Variants in ADGRL2 observed in about 807,000 individuals in gnomAD.
The protein encoded by ADGRL2 is adhesion G protein-coupled receptor L2.
Under a neutral mutation model 157.4 loss-of-function variants are expected in ADGRL2, and 44 were observed. The ratio of observed to expected loss-of-function variants is 0.28; its 90% confidence interval spans 0.22 to 0.36. The LOEUF (loss-of-function observed/expected upper bound fraction) is 0.36, where lower values mean the gene tolerates loss of function less well. ADGRL2 is among the 10% of genes least tolerant of loss of function. The pLI, the probability that ADGRL2 is intolerant of heterozygous loss-of-function variation, is 1.00. For missense variants in ADGRL2, 1,510 were observed against 1,768.9 expected, an observed-to-expected ratio of 0.85 and a Z score of 2.63; for synonymous variants, 585 against 624.7, an observed-to-expected ratio of 0.94 and a Z score of 0.95.
Position 81,356,952 on chromosome 1 carries a change from C to CAAAAAA in ADGRL2, c.-302+50459_-302+50464dup, listed in dbSNP as rs757239865. 3.8e-3 allele frequency among the ~76,000 whole-genome samples: 214 copies of CAAAAAA among 55,636 alleles called. 1 individual carries two copies. Among genetic ancestry groups the CAAAAAA allele is most frequent in the Non-Finnish European group, 4.4e-3 (139 of 31,892 alleles). The allele number at this position is 55,636 out of a possible 152,430, so 36.5% of individuals were successfully genotyped here. On this transcript the variant is annotated intron_variant, in intron 1 of 24. Coordinates refer to the ADGRL2 transcript ENST00000370721. Reference sequence around the variant, plus strand: ...TGGGGGACAAAATGAGACTCCGTCTCAAAAAAAAAAAAAAAAAAAAAGAAG... The same window carrying CAAAAAA: ...TGGGGGACAAAATGAGACTCCGTCTCAAAAAAAAAAAAAAAAAAAAAAAAAAAGAAG...
chr1:81,673,782 T>G (rs201490889), intron 3 of ADGRL2, among the ~76,000 whole-genome samples: 6 of 152,078 alleles, frequency 3.9e-5, no homozygotes, highest in East Asian at 1.9e-4. Flanking sequence ...CTCCCAAAGT[T>G]CTGGGATTAC....
At chr1:81,866,078 G>A (rs893042184) in intron 2 of ADGRL2, among the ~76,000 whole-genome samples, 3 of 152,158 alleles carry the variant, frequency 2.0e-5, no homozygotes, top group African/African-American at 7.2e-5. Flanking sequence ...TCAAGTCCAT[G>A]GTTTACACTG....
intron 2 of ADGRL2, among the ~76,000 whole-genome samples, chr1:81,462,620 A>T (rs1381318346): frequency 6.6e-6 from 1 of 152,162 alleles, no homozygotes; most frequent in Admixed American, 6.5e-5. Context: ...ATTTTTACTC[A>T]GTTATTGTTA....
At chr1:81,522,099 G>A (rs1467467781) in intron 2 of ADGRL2, among the ~76,000 whole-genome samples, 1 of 151,676 alleles carries the variant, frequency 6.6e-6, no homozygotes, top group East Asian at 1.9e-4. Context: ...TGGGTAGCTG[G>A]GATTACAGGC....
chr1:81,861,982 T>G (rs1470854462), intron 2 of ADGRL2, among the ~76,000 whole-genome samples: 1 of 152,238 alleles, frequency 6.6e-6, no homozygotes, highest in Non-Finnish European at 1.5e-5. Flanking sequence ...TTATAATTGT[T>G]TTTTGTTAAT....
chr1:81,475,956 G>T (rs1451471278), intron 2 of ADGRL2, among the ~76,000 whole-genome samples: 1 of 152,176 alleles, frequency 6.6e-6, no homozygotes, highest in Non-Finnish European at 1.5e-5. Context: ...CCATTTCTAT[G>T]CCAGAAGGGA....
intron 1 of ADGRL2, among the ~76,000 whole-genome samples, chr1:81,385,223 A>G (rs1425460105): frequency 6.6e-6 from 1 of 152,170 alleles, no homozygotes; most frequent in Non-Finnish European, 1.5e-5. Flanking sequence ...AAAACCCACT[A>G]TTATTCTTTA....
intron 1 of ADGRL2, among the ~76,000 whole-genome samples, chr1:81,360,602 G>C (rs1350355732): frequency 1.3e-5 from 2 of 151,790 alleles, no homozygotes; most frequent in Non-Finnish European, 2.9e-5. Context: ...CTTACTTTCT[G>C]TCTATGCCAA....
intron 2 of ADGRL2, among the ~76,000 whole-genome samples, chr1:81,471,306 G>A (rs2078167163): frequency 6.6e-6 from 1 of 151,990 alleles, no homozygotes; most frequent in Non-Finnish European, 1.5e-5. Context: ...ATATTTTCTT[G>A]TCAATACCTT....
chr1:81,788,090 C>T (rs2087142928), intron 2 of ADGRL2, among the ~76,000 whole-genome samples: 1 of 152,050 alleles, frequency 6.6e-6, no homozygotes, highest in Admixed American at 6.5e-5. Context: ...CCTTTAATGC[C>T]ACCATTAAAA....
intron 1 of ADGRL2, among the ~76,000 whole-genome samples, chr1:81,818,677 T>TACA (rs2090666187): frequency 6.6e-6 from 1 of 152,192 alleles, no homozygotes; most frequent in South Asian, 2.1e-4. Flanking sequence ...TGTACTGTTA[T>TACA]GTAAGGACTG....
intron 17 of ADGRL2, among the ~76,000 whole-genome samples, chr1:81,976,706 A>G (rs1240520281): frequency 1.3e-5 from 2 of 151,980 alleles, no homozygotes; most frequent in Non-Finnish European, 1.5e-5. Context: ...AAAAAATACA[A>G]CTAACTGTTG....
intron 2 of ADGRL2, among the ~76,000 whole-genome samples, chr1:81,515,444 GA>G (rs35373497): frequency 0.088 from 9,781 of 111,544 alleles, 360 homozygotes; most frequent in South Asian, 0.12. Flanking sequence ...AGGAACCTCA[GA>G]AAAAAAAAAA....
intron 3 of ADGRL2, among the ~76,000 whole-genome samples, chr1:81,692,370 G>A (rs2083359934): frequency 6.6e-6 from 1 of 152,154 alleles, no homozygotes; most frequent in Non-Finnish European, 1.5e-5. Context: ...CCATCCTACT[G>A]CCAAGAGAAG....
chr1:81,674,962 G>T (rs939878662), intron 3 of ADGRL2, among the ~76,000 whole-genome samples: 4 of 152,160 alleles, frequency 2.6e-5, no homozygotes, highest in Non-Finnish European at 5.9e-5. Flanking sequence ...GAAAGTGCTG[G>T]AGGCCATATC....
chr1:81,467,650 T>A (rs12078359), intron 2 of ADGRL2, among the ~76,000 whole-genome samples: 9,115 of 152,150 alleles, frequency 0.06, 313 homozygotes, highest in Admixed American at 0.095. Flanking sequence ...CCATGACCAA[T>A]CAGTATTATT....
At chr1:81,811,032 C>G (rs547174846) in intron 1 of ADGRL2, among the ~76,000 whole-genome samples, 16 of 151,792 alleles carry the variant, frequency 1.1e-4, no homozygotes, top group Admixed American at 3.9e-4. Flanking sequence ...TGCTATGATA[C>G]CCATAGCCTG....
chr1:81,646,869 C>T (rs560409478), intron 3 of ADGRL2, among the ~76,000 whole-genome samples: 1 of 152,260 alleles, frequency 6.6e-6, no homozygotes, highest in South Asian at 2.1e-4. Flanking sequence ...AATGCCTTCA[C>T]CAGCATTACA....
At chr1:81,691,071 G>T (rs2083323323) in intron 3 of ADGRL2, among the ~76,000 whole-genome samples, 1 of 152,164 alleles carries the variant, frequency 6.6e-6, no homozygotes, top group Non-Finnish European at 1.5e-5. Context: ...TTCCACAGAG[G>T]ATCTGAATAC....
Sources: gnomAD v4.1 joint callset for allele counts (sites outside exome capture counted in the v4.1 genomes callset) on GRCh38, gnomAD v4.1.1 for gene constraint, MANE v1.5 for transcripts, NCBI Gene and HGNC (gene_info 2026-07-23, HGNC 2026-07-21) for gene names.